Variants in MED12L observed in about 807,000 individuals in gnomAD.
The protein encoded by MED12L is mediator complex subunit 12L, also known as mediator of RNA polymerase II transcription subunit 12-like protein.
MED12L carries 60 observed loss-of-function variants against 281.3 expected under a neutral mutation model. That is an observed-to-expected ratio of 0.21 (90% confidence interval 0.17 to 0.26). The LOEUF (loss-of-function observed/expected upper bound fraction) is 0.26. MED12L is among the 10% of genes least tolerant of loss of function. The pLI, the probability that MED12L is intolerant of heterozygous loss-of-function variation, is 1.00. For synonymous variants in MED12L, 974 were observed against 987.2 expected (o/e 0.99, Z 0.25); for missense variants, 2,146 against 2,680.9 (o/e 0.80, Z 4.41).
At chr3:151,179,788 A>C (rs911950934) in intron 11 of MED12L, among the ~76,000 whole-genome samples, 1 of 152,230 alleles carries the variant, frequency 6.6e-6, no homozygotes, top group Non-Finnish European at 1.5e-5. Flanking sequence ...CTGGCCCATT[A>C]GCCTGCAGAA....
intron 38 of MED12L, among the ~76,000 whole-genome samples, chr3:151,393,147 A>G (rs1714510625): frequency 6.6e-6 from 1 of 152,172 alleles, no homozygotes; most frequent in Admixed American, 6.5e-5. Context: ...GCCAAGGTTG[A>G]GGACATGCCT....
rs139201124 is a variant in MED12L at position 151,233,822 on chromosome 3, C to T, written c.2250+40156C>T. Among the ~76,000 whole-genome samples the T allele has an allele frequency of 5.1e-3, 776 of 152,340 alleles. 11 individuals are homozygous for T. Among genetic ancestry groups the T allele is most frequent in the African/African-American group, 0.017 (722 of 41,590 alleles). On this transcript the variant is annotated intron_variant, in intron 16 of 44. Coordinates refer to ENST00000687756, the MANE Select transcript of MED12L (RefSeq NM_001393769.1). ...TCGTTCCTGTTCCTCCTCTGCCATC[C>T]GCCTTTCTCCGCCTTGTGGTAACTC...
At chr3:151,138,025 C>T (rs946476967) in intron 5 of MED12L, among the ~76,000 whole-genome samples, 5 of 152,116 alleles carry the variant, frequency 3.3e-5, no homozygotes, top group African/African-American at 9.7e-5. Context: ...ACACAATTCC[C>T]TTTACCCCAT....
chr3:151,370,867 A>G (rs926824735), intron 26 of MED12L, among the ~76,000 whole-genome samples: 3 of 152,218 alleles, frequency 2.0e-5, no homozygotes, highest in African/African-American at 4.8e-5. Context: ...CACTGGCCCC[A>G]TGATTTGTAG....
chr3:151,134,320 A>G (rs941342788), intron 5 of MED12L, among the ~76,000 whole-genome samples: 1 of 151,182 alleles, frequency 6.6e-6, no homozygotes, highest in Non-Finnish European at 1.5e-5. Flanking sequence ...GCTGGGTTCT[A>G]TGTATATTTT....
intron 26 of MED12L, among the ~76,000 whole-genome samples, chr3:151,371,472 C>G (rs1408784167): frequency 6.6e-6 from 1 of 152,170 alleles, no homozygotes; most frequent in African/African-American, 2.4e-5. Flanking sequence ...TAATGAGAAA[C>G]ATATGATTAT....
chr3:151,325,096 A>G (rs977161501), intron 16 of MED12L, among the ~76,000 whole-genome samples: 1 of 152,230 alleles, frequency 6.6e-6, no homozygotes, highest in Non-Finnish European at 1.5e-5. Context: ...TTAAATGGAT[A>G]TGGAATGTAA....
intron 16 of MED12L, among the ~76,000 whole-genome samples, chr3:151,259,198 A>G (rs1738408339): frequency 1.3e-5 from 2 of 152,216 alleles, no homozygotes; most frequent in Admixed American, 6.5e-5. Context: ...CTGCTGTAGG[A>G]TTACGGCCAC....
rs2108387961 is a variant in MED12L at position 151,416,361 on chromosome 3, A to G, written c.6347A>G (p.Gln2116Arg). 6.4e-7 allele frequency: 1 copy of G among 1,574,686 alleles called. No homozygotes were observed. The highest frequency in any genetic ancestry group is 8.6e-7 in the Non-Finnish European group (1 of 1,157,518). The change falls in exon 43 of 45, where the codon CAG (glutamine) becomes CGG (arginine). Residue 2116 changes from glutamine to arginine, a missense_variant. Transcript: ENST00000687756. ...PQPQQPPQPQ[Q>R]SSQSQSQTLG... ...CCCCAGCAGCCTCCCCAGCCCCAGC[A>G]GTCCTCGCAGTCCCAGAGTCAGACC...
chr3:151,192,733 T>A, intron 15 of MED12L, 79 bp downstream of exon 15: 2 of 871,220 alleles, frequency 2.3e-6, no homozygotes, highest in Non-Finnish European at 3.7e-6. Flanking sequence ...CCTTCTGTGT[T>A]CTCAGAATGA....
At chr3:151,268,985 C>T (rs980367571) in intron 16 of MED12L, among the ~76,000 whole-genome samples, 1 of 152,290 alleles carries the variant, frequency 6.6e-6, no homozygotes, top group East Asian at 1.9e-4. Flanking sequence ...TTGAACTTTC[C>T]TAGCGGTGTG....
At chr3:151,257,925 C>A (rs777527651) in intron 16 of MED12L, among the ~76,000 whole-genome samples, 2 of 152,152 alleles carry the variant, frequency 1.3e-5, no homozygotes, top group Non-Finnish European at 1.5e-5. Context: ...TGCTTCCTTC[C>A]CCACCTTCCC....
In MED12L at chr3:151,436,494, T is replaced by A. The variant is rs1720238000; in HGVS notation, c.*3690T>A. 1 of 460,676 alleles carries A rather than the reference T, an allele frequency of 2.2e-6. No individual in the cohort carries two copies. Among genetic ancestry groups the A allele is most frequent in the Admixed American group, 3.9e-5 (1 of 25,646 alleles). The allele number at this position is 460,676 out of a possible 1,614,324, so 28.5% of individuals were successfully genotyped here. A position where few individuals can be genotyped will look rare whatever the true frequency, so the allele number is the denominator to read the frequency against. On this transcript the variant is annotated 3_prime_UTR_variant, in exon 45 of 45. Transcript: ENST00000687756. ...AAAGTGCCTTAAGTTAAAAGTTTGT[T>A]TTGAGATCCATTAAATAAATCAGTA...
chr3:151,193,445 C>T (rs766596020), intron 15 of MED12L, 45 bp from the exon 16 acceptor site: 111 of 1,549,112 alleles, frequency 7.2e-5, no homozygotes, highest in Non-Finnish European at 9.3e-5. Context: ...TTTGGTTTTG[C>T]TGGCTTTCAT....
At chr3:151,238,876 A>G (rs1274570534) in intron 16 of MED12L, among the ~76,000 whole-genome samples, 1 of 152,226 alleles carries the variant, frequency 6.6e-6, no homozygotes, top group Admixed American at 6.5e-5. Context: ...TATAAGCTGA[A>G]TTAGATGCAT....
At chr3:151,228,097 T>C (rs1730904614) in intron 16 of MED12L, among the ~76,000 whole-genome samples, 1 of 152,188 alleles carries the variant, frequency 6.6e-6, no homozygotes, top group Admixed American at 6.5e-5. Context: ...CAGCAGTAAG[T>C]AATCTGTATG....
chr3:151,226,272 G>A (rs1031746869), intron 16 of MED12L, among the ~76,000 whole-genome samples: 1 of 152,198 alleles, frequency 6.6e-6, no homozygotes, highest in African/African-American at 2.4e-5. Context: ...GGAGTTTTGG[G>A]GTGAGAGAGC....
intron 26 of MED12L, among the ~76,000 whole-genome samples, chr3:151,369,941 G>A (rs1035041915): frequency 6.6e-6 from 1 of 152,080 alleles, no homozygotes; most frequent in East Asian, 1.9e-4. Context: ...TTCAGGAGCA[G>A]AACACCAGAA....
rs535680262 is a variant in MED12L, at chr3:151,282,843, T to G, written c.2251-67216T>G. On this transcript the variant is annotated intron_variant, in intron 16 of 44. Coordinates refer to ENST00000687756, the MANE Select transcript of MED12L (RefSeq NM_001393769.1). ...AATTGAAAAAGTGTTTTGAAAAAAT[T>G]GTAATCTGATAGGAAAACATTGAAT... 2.8e-3 allele frequency among the ~76,000 whole-genome samples: 411 copies of G among 146,730 alleles called. 4 individuals carry two copies. The highest frequency in any genetic ancestry group is 0.011 in the African/African-American group (388 of 36,338).
Sources: allele counts gnomAD v4.1 joint callset (sites outside exome capture counted in the v4.1 genomes callset), GRCh38; gene constraint gnomAD v4.1.1; transcripts MANE v1.5; gene names NCBI Gene and HGNC (gene_info 2026-07-23, HGNC 2026-07-21).